The following FLT1 variants were observed in gnomAD, a reference collection of about 807,000 sequenced individuals.
FLT1 encodes the protein vascular endothelial growth factor receptor 1.
FLT1 carries 49 observed loss-of-function variants against 156.3 expected under a neutral mutation model. That is an observed-to-expected ratio of 0.31 (90% CI 0.25 to 0.40). The LOEUF is 0.40. Ranked by LOEUF, FLT1 falls within the 10% of genes least tolerant of loss-of-function variation. The pLI is 1.00. For synonymous variants in FLT1, 594 were observed against 583.8 expected, an observed-to-expected ratio of 1.02 and a Z score of -0.25; for missense variants, 1,322 against 1,637.2, an observed-to-expected ratio of 0.81 and a Z score of 3.32.
chr13:28,313,037 G>C (rs889929666), intron 25 of FLT1, among the ~76,000 whole-genome samples: 18 of 151,778 alleles, frequency 1.2e-4, no homozygotes, highest in African/African-American at 4.4e-4. Flanking sequence ...GGAGTGCAGT[G>C]CCATGATCTC....
chr13:28,395,389 G>A (rs552460463), intron 12 of FLT1, among the ~76,000 whole-genome samples: 1 of 152,244 alleles, frequency 6.6e-6, no homozygotes, highest in African/African-American at 2.4e-5. Context: ...GTCCAATATG[G>A]TAACTGTGAG....
intron 19 of FLT1, 73 bp downstream of exon 19, chr13:28,329,542 A>G: frequency 9.4e-7 from 1 of 1,059,302 alleles, no homozygotes; most frequent in Non-Finnish European, 1.5e-6. Flanking sequence ...GGGGAGAAGG[A>G]GCTGTAAGGC....
intron 16 of FLT1, among the ~76,000 whole-genome samples, chr13:28,341,260 C>A (rs115197356): frequency 0.012 from 1,798 of 152,244 alleles, 40 homozygotes; most frequent in African/African-American, 0.041. Context: ...TTTGAGGAGA[C>A]TGTGATAGTA....
intron 14 of FLT1, among the ~76,000 whole-genome samples, chr13:28,373,961 A>G (rs947139526): frequency 1.3e-5 from 2 of 152,146 alleles, no homozygotes; most frequent in Non-Finnish European, 2.9e-5. Flanking sequence ...GATCTTGGCC[A>G]TGTTCAAAGT....
intron 14 of FLT1, among the ~76,000 whole-genome samples, chr13:28,379,708 C>T (rs1002785934): frequency 6.6e-6 from 1 of 152,232 alleles, no homozygotes; most frequent in African/African-American, 2.4e-5. Context: ...CCAGGGCCTG[C>T]ATGCTTAAGA....
At chr13:28,325,210 C>T (rs963304414) in intron 20 of FLT1, among the ~76,000 whole-genome samples, 1 of 152,194 alleles carries the variant, frequency 6.6e-6, no homozygotes, top group African/African-American at 2.4e-5. Context: ...CCATCCTGCC[C>T]AGGTCCCTAG....
At chr13:28,406,273 A>G (rs186773350) in intron 10 of FLT1, among the ~76,000 whole-genome samples, 2 of 152,300 alleles carry the variant, frequency 1.3e-5, no homozygotes, top group South Asian at 2.1e-4. Context: ...ATACCATTTT[A>G]TATCTATAAA....
chr13:28,429,572 A>G (rs560856458), intron 8 of FLT1, among the ~76,000 whole-genome samples: 1 of 152,324 alleles, frequency 6.6e-6, no homozygotes, highest in East Asian at 1.9e-4. Context: ...CCCTCTTCAA[A>G]TGAGTAAGTC....
chr13:28,304,100 G>A lies in FLT1; in HGVS notation c.3816-732C>T, dbSNP rs1315688034. ...TGGGATGAGGCAGGGAACCCGTGAAGCTTGTTTTAGACCGGTCTGGACTAA... is the reference window on the plus strand; with the variant it reads ...TGGGATGAGGCAGGGAACCCGTGAAACTTGTTTTAGACCGGTCTGGACTAA... On this transcript the variant is annotated intron_variant, in intron 29 of 29. Transcript: ENST00000282397. Among the ~76,000 whole-genome samples the A allele has an allele frequency of 5.3e-5, 8 of 152,188 alleles. No homozygotes were observed. In the East Asian group the frequency reaches 1.5e-3, roughly 29 times the overall value.
intron 1 of FLT1, among the ~76,000 whole-genome samples, chr13:28,489,280 GT>G (rs1881346242): frequency 1.3e-5 from 2 of 152,204 alleles, no homozygotes; most frequent in Non-Finnish European, 2.9e-5. Flanking sequence ...GAATAAATTT[GT>G]GTCTGAGATT....
chr13:28,314,410 T>G (rs774221473), intron 25 of FLT1, among the ~76,000 whole-genome samples: 1 of 151,506 alleles, frequency 6.6e-6, no homozygotes, highest in African/African-American at 2.4e-5. Context: ...AAAAAAAAAA[T>G]AAAAAAATTC....
intron 19 of FLT1, chr13:28,328,332 G>T (rs1477392170): frequency 6.6e-6 from 1 of 152,294 alleles, no homozygotes. Flanking sequence ...GAAGCAAGAG[G>T]GTTGGGAAGG....
chr13:28,320,332 G>A (rs751824115), intron 23 of FLT1, among the ~76,000 whole-genome samples: 4 of 152,088 alleles, frequency 2.6e-5, no homozygotes, highest in African/African-American at 9.7e-5. Context: ...TTTTTACAAA[G>A]GATCAATGTG....
chr13:28,309,927 TC>T (rs2138811471), intron 27 of FLT1, among the ~76,000 whole-genome samples: 1 of 138,466 alleles, frequency 7.2e-6, no homozygotes, highest in South Asian at 2.6e-4. Flanking sequence ...CCTTGCTCTG[TC>T]ACCCAGGCTG....
At chr13:28,398,981 G>C in intron 11 of FLT1, 1 of 1,037,956 alleles carries the variant, frequency 9.6e-7, no homozygotes, top group Non-Finnish European at 1.5e-6. Flanking sequence ...CTTTTTAAGA[G>C]GTGGGACATA....
At chr13:28,373,255 G>A (rs1873701688) in intron 14 of FLT1, among the ~76,000 whole-genome samples, 1 of 152,174 alleles carries the variant, frequency 6.6e-6, no homozygotes, top group Non-Finnish European at 1.5e-5. Context: ...AATTATGACT[G>A]AGTTGTATGA....
intron 25 of FLT1, among the ~76,000 whole-genome samples, chr13:28,315,247 T>A (rs1182317669): frequency 1.3e-5 from 2 of 152,198 alleles, no homozygotes; most frequent in Non-Finnish European, 1.5e-5. Context: ...TACTATTCAA[T>A]ACTGTTATAA....
chr13:28,420,531 C>T (rs564457340), intron 10 of FLT1, among the ~76,000 whole-genome samples: 2 of 152,234 alleles, frequency 1.3e-5, no homozygotes, highest in Admixed American at 6.5e-5. Context: ...GGTATGTGAC[C>T]GTATTTCCAA....
chr13:28,459,572 T>C (rs932809050), intron 3 of FLT1, among the ~76,000 whole-genome samples: 3 of 152,188 alleles, frequency 2.0e-5, no homozygotes, highest in Non-Finnish European at 4.4e-5. Context: ...ACTCTAGACA[T>C]TAACCAAGCA....
Sources: allele counts gnomAD v4.1 joint callset (sites outside exome capture counted in the v4.1 genomes callset), GRCh38; gene constraint gnomAD v4.1.1; transcripts MANE v1.5; gene names NCBI Gene and HGNC (gene_info 2026-07-23, HGNC 2026-07-21).